BBS4: variants seen among roughly 807,000 people sequenced by gnomAD.
The protein encoded by BBS4 is BBSome complex member BBS4.
In BBS4, 58 loss-of-function variants were observed where a neutral mutation model predicts 71.4. The observed-to-expected ratio is 0.81, with a 90% CI of 0.66 to 1.01. The LOEUF (loss-of-function observed/expected upper bound fraction) is 1.01, where lower values mean the gene tolerates loss of function less well. BBS4 is among the 50% of genes least tolerant of loss of function. BBS4 has a pLI of 0.00. For missense variants in BBS4, 660 were observed against 607.9 expected, an observed-to-expected ratio of 1.09 and a Z score of -0.90; for synonymous variants, 228 against 216.8, an observed-to-expected ratio of 1.05 and a Z score of -0.46.
intron 1 of BBS4, chr15:72,686,978 TAGC>T (rs1348327292): frequency 5.6e-5 from 12 of 216,012 alleles, no homozygotes; most frequent in African/African-American, 1.2e-4. Flanking sequence ...ACAGTACAAA[TAGC>T]AGCCTTTGGC....
chr15:72,710,195 G>GTT (rs66684005), intron 3 of BBS4, among the ~76,000 whole-genome samples: 82 of 103,410 alleles, frequency 7.9e-4, no homozygotes, highest in African/African-American at 2.9e-3. Flanking sequence ...ATTTTGTCGA[G>GTT]TTTTTTTTTT....
intron 2 of BBS4, among the ~76,000 whole-genome samples, chr15:72,708,863 C>T (rs1005989177): frequency 6.6e-6 from 1 of 152,084 alleles, no homozygotes; most frequent in African/African-American, 2.4e-5. Context: ...GGGAAAAAAC[C>T]CCACCCTGGT....
chr15:72,737,850 C>A lies in BBS4; in HGVS notation c.*263C>A, dbSNP rs1330868992. On this transcript the variant is annotated 3_prime_UTR_variant, in exon 16 of 16. Coordinates refer to ENST00000268057, the MANE Select transcript of BBS4 (RefSeq NM_033028.5). ...TAAGAACTGGCAGCAAGGCTTGAGGCCTTATGTATGTAGCTGAGTCAGCAA... is the reference window on the plus strand; with the variant it reads ...TAAGAACTGGCAGCAAGGCTTGAGGACTTATGTATGTAGCTGAGTCAGCAA... 6.0e-6 allele frequency: 3 copies of A among 498,618 alleles called. No homozygotes were observed. Among genetic ancestry groups the A allele is most frequent in the South Asian group, 4.6e-5 (3 of 64,904 alleles). The allele number at this position is 498,618 out of a possible 1,614,324, so 30.9% of individuals were successfully genotyped here. A position where few individuals can be genotyped will look rare whatever the true frequency, so the allele number is the denominator to read the frequency against.
chr15:72,736,762 A>T lies in BBS4; in HGVS notation c.1249A>T (p.Met417Leu). The change falls in exon 15 of 16, where the codon ATG (methionine) becomes TTG (leucine). Residue 417 changes from methionine to leucine, a missense_variant and splice_region_variant. By Grantham distance (15) the Met-to-Leu change is conservative (BLOSUM62 2). Coordinates refer to ENST00000268057, the MANE Select transcript of BBS4 (RefSeq NM_033028.5). Reference sequence around the variant, plus strand: ...CTTTTACTTCCTTTGTGGACACAAGATGGTGGAGATGGCTCAGAAGTTGGG... The same window carrying T: ...CTTTTACTTCCTTTGTGGACACAAGTTGGTGGAGATGGCTCAGAAGTTGGG... Reference protein sequence around the residue: ...DNSSLEFDSEMVEMAQKLGAA... With the variant: ...DNSSLEFDSELVEMAQKLGAA... 1 of 1,614,164 alleles carries T rather than the reference A, an allele frequency of 6.2e-7. No homozygotes were observed. Among genetic ancestry groups the T allele is most frequent in the Non-Finnish European group, 8.5e-7 (1 of 1,180,022 alleles).
In BBS4 at chr15:72,724,529, C is replaced by T. The variant is rs756744863; in HGVS notation, c.461C>T (p.Ala154Val). Residue 154 changes from alanine (A) to valine (V), a missense_variant and splice_region_variant, in exon 8 of 16, where the codon GCA becomes GTA. By Grantham distance (64) the Ala-to-Val change is moderately conservative (BLOSUM62 0). Transcript: ENST00000268057. ...TCTTTATTTTGTTAAACTTGTCAGG[C>T]ACAAGACCAGTTGCACAATGCCCTG... ...CYIYLKQFNK[A>V]QDQLHNALNL... 1.5e-5 allele frequency: 24 copies of T among 1,613,776 alleles called. No individual in the cohort carries two copies. The highest frequency in any genetic ancestry group is 2.0e-5 in the Non-Finnish European group (24 of 1,179,864).
rs2065952333 is a variant in BBS4, at chr15:72,737,609, A to C, written c.*22A>C. ...ATAAGAATAGAATGAATGACCCCAA[A>C]ATAGGGTTTTCTTGGGCGAGGATGT... On this transcript the variant is annotated 3_prime_UTR_variant, in exon 16 of 16. Coordinates refer to ENST00000268057, the MANE Select transcript of BBS4 (RefSeq NM_033028.5). 1.3e-6 allele frequency: 2 copies of C among 1,560,190 alleles called. No individual in the cohort carries two copies. The highest frequency in any genetic ancestry group is 1.2e-5 in the South Asian group (1 of 86,166).
intron 2 of BBS4, among the ~76,000 whole-genome samples, chr15:72,696,343 TTGAA>T (rs1348333243): frequency 6.6e-6 from 1 of 152,252 alleles, no homozygotes; most frequent in African/African-American, 2.4e-5. Context: ...TGGCCAGTCT[TTGAA>T]TGGTATCAAC....
intron 2 of BBS4, among the ~76,000 whole-genome samples, chr15:72,704,084 A>G (rs1439454979): frequency 6.6e-6 from 1 of 152,074 alleles, no homozygotes; most frequent in Non-Finnish European, 1.5e-5. Flanking sequence ...GAATGGGGCA[A>G]GAGAAGTGGC....
At chr15:72,693,157 T>C (rs1332920676) in intron 1 of BBS4, among the ~76,000 whole-genome samples, 1 of 152,176 alleles carries the variant, frequency 6.6e-6, no homozygotes, top group Non-Finnish European at 1.5e-5. Flanking sequence ...ATGTATGCCA[T>C]TGTTGTTTAG....
At chr15:72,733,745 T>C (rs183397137) in intron 12 of BBS4, among the ~76,000 whole-genome samples, 2 of 152,338 alleles carry the variant, frequency 1.3e-5, no homozygotes, top group East Asian at 1.9e-4. Flanking sequence ...CACATGCATG[T>C]GTCTTTATGG....
intron 7 of BBS4, 96 bp downstream of exon 7, chr15:72,722,943 G>A (rs1292992725): frequency 9.0e-7 from 1 of 1,113,096 alleles, no homozygotes; most frequent in African/African-American, 1.5e-5. Flanking sequence ...TGCTTGCAGA[G>A]GTTTTTGGAA....
intron 12 of BBS4, among the ~76,000 whole-genome samples, chr15:72,733,005 G>A (rs1045835169): frequency 4.6e-5 from 7 of 152,210 alleles, no homozygotes; most frequent in Non-Finnish European, 1.0e-4. Context: ...CCCAGTGTCA[G>A]GGCCCAGTAA....
chr15:72,712,962 A>G (rs1279046061), intron 4 of BBS4, among the ~76,000 whole-genome samples: 4 of 151,504 alleles, frequency 2.6e-5, no homozygotes, highest in East Asian at 1.9e-4. Context: ...AACATTGTAC[A>G]TTTGTACAAA....
chr15:72,686,417 G>T (rs1595897108), intron 1 of BBS4, 166 bp downstream of exon 1: 1 of 1,534,416 alleles, frequency 6.5e-7, no homozygotes. Context: ...GGAACTGGTC[G>T]CCTGGGGCAA....
intron 8 of BBS4, 44 bp downstream of exon 8, chr15:72,724,699 A>G (rs1332117544): frequency 1.2e-6 from 2 of 1,609,734 alleles, no homozygotes; most frequent in Non-Finnish European, 1.7e-6. Context: ...AACTAAAAAA[A>G]TTGAGTGGAT....
At chr15:72,733,185 T>C (rs1190738330) in intron 12 of BBS4, among the ~76,000 whole-genome samples, 1 of 152,174 alleles carries the variant, frequency 6.6e-6, no homozygotes, top group Non-Finnish European at 1.5e-5. Flanking sequence ...TGGGGTGTGA[T>C]GGTACATACC....
At chr15:72,730,900 G>A (rs778245208) in intron 10 of BBS4, among the ~76,000 whole-genome samples, 4 of 152,042 alleles carry the variant, frequency 2.6e-5, no homozygotes, top group Non-Finnish European at 5.9e-5. Context: ...AAGTAGCCAC[G>A]TACAGGTGTA....
In BBS4 at chr15:72,712,214, T is replaced by C. The variant is rs370969547; in HGVS notation, c.157-30T>C. Reference sequence around the variant, plus strand: ...AAGACACCTGAAGAAACTTAACCACTGCTCAGAAGCATTTTTCTCCCTCTT... The same window carrying C: ...AAGACACCTGAAGAAACTTAACCACCGCTCAGAAGCATTTTTCTCCCTCTT... On this transcript the variant is annotated intron_variant, in intron 3 of 15. Transcript: ENST00000268057. The C allele has an allele frequency of 2.6e-4, 411 of 1,607,760 alleles. 2 individuals carry two copies. In the Middle Eastern group the frequency reaches 3.3e-3, roughly 13 times the overall value.
intron 2 of BBS4, among the ~76,000 whole-genome samples, chr15:72,709,494 T>C (rs1180169887): frequency 2.0e-5 from 3 of 152,340 alleles, no homozygotes; most frequent in Middle Eastern, 3.4e-3. Context: ...ACTCAAGATA[T>C]GTATTCAACA....
Sources: allele counts gnomAD v4.1 joint callset (sites outside exome capture counted in the v4.1 genomes callset), GRCh38; gene constraint gnomAD v4.1.1; transcripts MANE v1.5; gene names NCBI Gene and HGNC (gene_info 2026-07-23, HGNC 2026-07-21).